PPIL6: variants seen among roughly 807,000 people sequenced by gnomAD.
PPIL6 encodes the protein peptidylprolyl isomerase like 6, also known as probable inactive peptidyl-prolyl cis-trans isomerase-like 6.
PPIL6 carries 39 observed loss-of-function variants against 36.8 expected under a neutral mutation model. The ratio of observed to expected loss-of-function variants is 1.06; its 90% confidence interval spans 0.82 to 1.38. The LOEUF is 1.38. PPIL6 is among the 40% of genes most tolerant of loss of function. PPIL6 has a pLI of 0.00. For synonymous variants in PPIL6, 123 were observed against 134.1 expected (o/e 0.92, Z 0.57); for missense variants, 368 against 379.1 (o/e 0.97, Z 0.24).
intron 7 of PPIL6, among the ~76,000 whole-genome samples, chr6:109,399,424 G>A (rs951127027): frequency 6.1e-5 from 9 of 147,798 alleles, no homozygotes; most frequent in African/African-American, 2.2e-4. Flanking sequence ...ATTTATTTTT[G>A]AGACAGAGTC....
chr6:109,427,607 G>A (rs1287259362), intron 3 of PPIL6, among the ~76,000 whole-genome samples: 1 of 152,054 alleles, frequency 6.6e-6, no homozygotes, highest in Non-Finnish European at 1.5e-5. Context: ...GGGTGGTCTC[G>A]AACTCCTGAG....
At chr6:109,440,262 A>C in intron 1 of PPIL6, 194 bp downstream of exon 1, 2 of 706,668 alleles carry the variant, frequency 2.8e-6, no homozygotes, top group South Asian at 1.5e-5. Flanking sequence ...CCGCCCCCGG[A>C]CCCGCACTTG....
chr6:109,400,960 C>G (rs111775008), intron 6 of PPIL6, among the ~76,000 whole-genome samples: 1 of 151,488 alleles, frequency 6.6e-6, no homozygotes, highest in African/African-American at 2.4e-5. Context: ...CCCGGGTTCA[C>G]GCCATTCTCC....
intron 6 of PPIL6, among the ~76,000 whole-genome samples, chr6:109,400,494 C>G (rs897910034): frequency 3.3e-5 from 5 of 152,176 alleles, no homozygotes; most frequent in African/African-American, 9.7e-5. Flanking sequence ...CAAACTTTCT[C>G]GTGCTGTTTT....
chr6:109,405,544 C>G (rs1299562061), intron 6 of PPIL6, among the ~76,000 whole-genome samples: 1 of 152,186 alleles, frequency 6.6e-6, no homozygotes, highest in African/African-American at 2.4e-5. Flanking sequence ...CCTGTCAGTT[C>G]TGCTATAATA....
In PPIL6 at chr6:109,391,912, T is replaced by C. The variant is rs1772110242; in HGVS notation, c.*914A>G. ...TGCTTTTTCTTCTGCATCATTCCTATTTGGTTACTTACCAAGTTTCTCCTA... is the reference window on the plus strand; with the variant it reads ...TGCTTTTTCTTCTGCATCATTCCTACTTGGTTACTTACCAAGTTTCTCCTA... On this transcript the variant is annotated 3_prime_UTR_variant, in exon 8 of 8. Coordinates refer to ENST00000521072, the MANE Select transcript of PPIL6 (RefSeq NM_173672.5). 1.3e-5 allele frequency: 2 copies of C among 152,374 alleles called. No homozygotes were observed. Among genetic ancestry groups the C allele is most frequent in the South Asian group, 4.1e-4 (2 of 4,828 alleles). 9.4% of individuals were successfully genotyped at this position (152,374 alleles called of 1,614,324 possible).
At chr6:109,403,048 T>C in intron 6 of PPIL6, 1 of 1,532,224 alleles carries the variant, frequency 6.5e-7, no homozygotes, top group Non-Finnish European at 8.7e-7. Flanking sequence ...TTTCTCGATC[T>C]TTCCAACCCC....
At chr6:109,414,978 A>G (rs1773182953) in intron 6 of PPIL6, among the ~76,000 whole-genome samples, 2 of 152,162 alleles carry the variant, frequency 1.3e-5, no homozygotes, top group Non-Finnish European at 2.9e-5. Flanking sequence ...AGAAAATCAT[A>G]AGGAAGAGAA....
At chr6:109,414,474 TAGC>T (rs1403461079) in intron 6 of PPIL6, among the ~76,000 whole-genome samples, 1 of 142,362 alleles carries the variant, frequency 7.0e-6, no homozygotes, top group African/African-American at 2.6e-5. Context: ...TAATGTCTTT[TAGC>T]TTTTTTTTTT....
chr6:109,402,123 A>G (rs984608809), intron 6 of PPIL6, among the ~76,000 whole-genome samples: 2 of 152,172 alleles, frequency 1.3e-5, no homozygotes, highest in Non-Finnish European at 2.9e-5. Flanking sequence ...AAAATTGATG[A>G]GTTGTAACAT....
chr6:109,422,250 G>A (rs1329829616), intron 5 of PPIL6, among the ~76,000 whole-genome samples: 2 of 152,258 alleles, frequency 1.3e-5, no homozygotes, highest in East Asian at 1.9e-4. Flanking sequence ...GGCTGAAGTG[G>A]GAGGAGTTCA....
Position 109,392,624 on chromosome 6 carries a change from A to G in PPIL6, c.*202T>C, listed in dbSNP as rs556891088. 2.0e-5 allele frequency: 10 copies of G among 492,040 alleles called. No individual in the cohort carries two copies. The East Asian group carries it at 3.1e-4, about 15-fold the overall frequency. The allele number at this position is 492,040 out of a possible 1,614,324, so 30.5% of individuals were successfully genotyped here. ...GCCACCCGTGGCTGCAAAGGAGTCT[A>G]GGAAATTGAGTACCACCCTTTCACA... On this transcript the variant is annotated 3_prime_UTR_variant, in exon 8 of 8. Coordinates refer to ENST00000521072, the MANE Select transcript of PPIL6 (RefSeq NM_173672.5).
chr6:109,406,504 C>A (rs1447417606), intron 6 of PPIL6, among the ~76,000 whole-genome samples: 1 of 152,102 alleles, frequency 6.6e-6, no homozygotes, highest in Non-Finnish European at 1.5e-5. Context: ...GTCTGGTTGT[C>A]TCTGTTTTTG....
chr6:109,399,762 G>T (rs1334666282), intron 7 of PPIL6, among the ~76,000 whole-genome samples: 1 of 151,896 alleles, frequency 6.6e-6, no homozygotes, highest in East Asian at 1.9e-4. Flanking sequence ...GGCTGGTCTT[G>T]AACTCCTGGG....
At chr6:109,416,311 T>A (rs1343777058) in intron 6 of PPIL6, among the ~76,000 whole-genome samples, 1 of 150,854 alleles carries the variant, frequency 6.6e-6, no homozygotes, top group Non-Finnish European at 1.5e-5. Flanking sequence ...CAAGTGATTC[T>A]CCTGCCTCAG....
intron 3 of PPIL6, among the ~76,000 whole-genome samples, chr6:109,427,674 C>T (rs1219310677): frequency 6.6e-6 from 1 of 152,126 alleles, no homozygotes; most frequent in African/African-American, 2.4e-5. Flanking sequence ...GCGTGAGCTA[C>T]CGCCGCACCC....
At chr6:109,425,013 T>C (rs1350797532) in intron 5 of PPIL6, among the ~76,000 whole-genome samples, 1 of 152,214 alleles carries the variant, frequency 6.6e-6, no homozygotes, top group Non-Finnish European at 1.5e-5. Context: ...CTGAATTCTT[T>C]CTTGTGAGAG....
At chr6:109,417,199 A>T (rs1160319380) in intron 6 of PPIL6, among the ~76,000 whole-genome samples, 1 of 151,800 alleles carries the variant, frequency 6.6e-6, no homozygotes, top group Non-Finnish European at 1.5e-5. Flanking sequence ...AAAAAAAGGT[A>T]AAAGTATTTC....
At chr6:109,395,376 C>T (rs1772252335) in intron 7 of PPIL6, among the ~76,000 whole-genome samples, 1 of 151,200 alleles carries the variant, frequency 6.6e-6, no homozygotes, top group African/African-American at 2.4e-5. Context: ...CACTGCACTC[C>T]AGCCTGGGTG....
Sources: allele counts gnomAD v4.1 joint callset (sites outside exome capture counted in the v4.1 genomes callset), GRCh38; gene constraint gnomAD v4.1.1; transcripts MANE v1.5; gene names NCBI Gene and HGNC (gene_info 2026-07-23, HGNC 2026-07-21).